The following LEF1 variants were observed in gnomAD, a reference collection of about 807,000 sequenced individuals.
The protein encoded by LEF1 is lymphoid enhancer-binding factor 1.
In LEF1, 14 loss-of-function variants were observed where a neutral mutation model predicts 51.2. The ratio of observed to expected loss-of-function variants is 0.27; its 90% CI spans 0.18 to 0.43. The LOEUF is 0.43. Among genes scored for constraint, LEF1 ranks in the 20% least tolerant of loss-of-function variants. The pLI is 1.00. For missense variants in LEF1, 386 were observed against 512.0 expected, an observed-to-expected ratio of 0.75 and a Z score of 2.37; for synonymous variants, 185 against 183.2, an observed-to-expected ratio of 1.01 and a Z score of -0.08.
chr4:108,138,001 G>C (rs186409150), intron 3 of LEF1, among the ~76,000 whole-genome samples: 5 of 152,128 alleles, frequency 3.3e-5, no homozygotes, highest in Admixed American at 2.0e-4. Flanking sequence ...TGAAACCTAA[G>C]AGGTTAACAA....
intron 11 of LEF1, among the ~76,000 whole-genome samples, chr4:108,051,252 C>A (rs1306058509): frequency 6.6e-6 from 1 of 151,482 alleles, no homozygotes; most frequent in Admixed American, 6.6e-5. Flanking sequence ...CTTTCAGGGA[C>A]TAGTGCTTAA....
chr4:108,155,208 A>G (rs1744615364), intron 3 of LEF1, among the ~76,000 whole-genome samples: 1 of 152,214 alleles, frequency 6.6e-6, no homozygotes, highest in Non-Finnish European at 1.5e-5. Context: ...CAAGTAGTTA[A>G]GAGTTATCTG....
At chr4:108,064,676 C>T (rs1426889741) in intron 9 of LEF1, among the ~76,000 whole-genome samples, 9 of 61,644 alleles carry the variant, frequency 1.5e-4, no homozygotes, top group African/African-American at 2.8e-4. Flanking sequence ...CACACACACA[C>T]ACACACACAC....
At chr4:108,083,509 C>G in intron 4 of LEF1, 63 bp from the exon 5 acceptor site, 2 of 1,068,572 alleles carry the variant, frequency 1.9e-6, no homozygotes, top group Non-Finnish European at 2.8e-6. Flanking sequence ...AGAAATGCAA[C>G]TACATGTTTT....
At chr4:108,081,199 T>G (rs1015927900) in intron 6 of LEF1, among the ~76,000 whole-genome samples, 1 of 152,116 alleles carries the variant, frequency 6.6e-6, no homozygotes, top group Non-Finnish European at 1.5e-5. Flanking sequence ...AAGCAAATTA[T>G]AGAGCTGAGA....
intron 11 of LEF1, among the ~76,000 whole-genome samples, chr4:108,061,033 C>T (rs888092336): frequency 1.3e-5 from 2 of 152,184 alleles, no homozygotes; most frequent in African/African-American, 4.8e-5. Flanking sequence ...CCTCTCTACT[C>T]TACAATTCTT....
intron 3 of LEF1, among the ~76,000 whole-genome samples, chr4:108,142,943 A>C (rs1414553570): frequency 1.3e-5 from 2 of 152,244 alleles, no homozygotes; most frequent in African/African-American, 4.8e-5. Flanking sequence ...ATAGTAGTCA[A>C]TGAACCATCA....
In LEF1 at chr4:108,049,074, G is replaced by A. The variant is rs1578276576; in HGVS notation, c.*7-323C>T. On this transcript the variant is annotated intron_variant, in intron 11 of 11. Coordinates refer to ENST00000265165, the MANE Select transcript of LEF1 (RefSeq NM_016269.5). ...ACACCAGTAGGAAACAGGCAAACAT[G>A]AATAGGGAAGGCGGGCAACAGCCAG... Among the ~76,000 whole-genome samples the A allele has an allele frequency of 2.0e-5, 3 of 152,194 alleles. No homozygotes were observed. The South Asian group carries it at 6.2e-4, about 32-fold the overall frequency.
chr4:108,099,552 G>A (rs1210240678), intron 3 of LEF1, among the ~76,000 whole-genome samples: 4,891 of 42,242 alleles, frequency 0.12, 573 homozygotes, highest in African/African-American at 0.26. Flanking sequence ...ATGTGTGTGT[G>A]TGTATGTGTG....
chr4:108,051,394 T>A (rs1288379548), intron 11 of LEF1, among the ~76,000 whole-genome samples: 1 of 152,192 alleles, frequency 6.6e-6, no homozygotes, highest in African/African-American at 2.4e-5. Context: ...GGCCTTGTAG[T>A]GTTGCTTTAC....
chr4:108,074,204 A>G (rs913024365), intron 8 of LEF1, among the ~76,000 whole-genome samples: 1 of 152,238 alleles, frequency 6.6e-6, no homozygotes, highest in African/African-American at 2.4e-5. Context: ...TTTCTGAAAC[A>G]CAATTGACTA....
At chr4:108,157,660 G>A (rs1202383403) in intron 3 of LEF1, among the ~76,000 whole-genome samples, 1 of 152,196 alleles carries the variant, frequency 6.6e-6, no homozygotes, top group East Asian at 1.9e-4. Flanking sequence ...ACTCTGTGAT[G>A]CAACCTTCTC....
At chr4:108,103,076 G>C (rs1437464339) in intron 3 of LEF1, among the ~76,000 whole-genome samples, 1 of 152,190 alleles carries the variant, frequency 6.6e-6, no homozygotes, top group East Asian at 1.9e-4. Context: ...AGAGCACGCA[G>C]CTCCCGTCAC....
intron 3 of LEF1, among the ~76,000 whole-genome samples, chr4:108,094,337 C>T (rs370192339): frequency 1.3e-4 from 20 of 152,304 alleles, no homozygotes; most frequent in African/African-American, 4.3e-4. Context: ...TGGCTGCCAC[C>T]CAGGCTGGTC....
At chr4:108,070,317 G>GA (rs1446489397) in intron 9 of LEF1, 3 of 163,144 alleles carry the variant, frequency 1.8e-5, no homozygotes, top group African/African-American at 7.2e-5. Flanking sequence ...ACCACGCATA[G>GA]AAAAAATATT....
intron 4 of LEF1, among the ~76,000 whole-genome samples, chr4:108,088,594 G>A (rs1426348526): frequency 6.6e-6 from 1 of 152,202 alleles, no homozygotes; most frequent in African/African-American, 2.4e-5. Flanking sequence ...TATTAATGCA[G>A]AGGCGTAAAA....
chr4:108,074,837 G>A (rs1305718548), intron 8 of LEF1, among the ~76,000 whole-genome samples: 1 of 152,228 alleles, frequency 6.6e-6, no homozygotes, highest in African/African-American at 2.4e-5. Flanking sequence ...TGTTGGAAAT[G>A]TGCATTAAGA....
intron 4 of LEF1, among the ~76,000 whole-genome samples, chr4:108,085,709 A>ATC (rs1739599323): frequency 9.4e-6 from 1 of 106,226 alleles, no homozygotes; most frequent in Admixed American, 1.0e-4. Flanking sequence ...TTGACTCTAT[A>ATC]GAAATTCTAC....
At chr4:108,117,752 G>A (rs1464554734) in intron 3 of LEF1, among the ~76,000 whole-genome samples, 2 of 152,188 alleles carry the variant, frequency 1.3e-5, no homozygotes, top group African/African-American at 4.8e-5. Flanking sequence ...CAGGGTGGGC[G>A]TGAAGGGTCC....
Sources: gnomAD v4.1 joint callset for allele counts (sites outside exome capture counted in the v4.1 genomes callset) on GRCh38, gnomAD v4.1.1 for gene constraint, MANE v1.5 for transcripts, NCBI Gene and HGNC (gene_info 2026-07-23, HGNC 2026-07-21) for gene names.